The following CHN2 variants were observed in gnomAD, a reference collection of about 807,000 sequenced individuals.
CHN2 encodes the protein beta-chimaerin.
Under a neutral mutation model 56.3 loss-of-function variants are expected in CHN2, and 35 were observed. The ratio of observed to expected loss-of-function variants is 0.62; its 90% CI spans 0.47 to 0.82. CHN2 has a LOEUF of 0.82. Ranked by LOEUF, CHN2 falls within the 40% of genes least tolerant of loss-of-function variation. The probability of loss-of-function intolerance (pLI) is 0.00; values close to 1 mark genes in which losing one functional copy is unlikely to be tolerated. For missense variants in CHN2, 491 were observed against 580.5 expected (o/e 0.85, Z 1.58); for synonymous variants, 210 against 212.8 (o/e 0.99, Z 0.12).
intron 1 of CHN2, among the ~76,000 whole-genome samples, chr7:29,277,931 GTGT>G (rs1326274007): frequency 6.6e-6 from 1 of 152,196 alleles, no homozygotes; most frequent in African/African-American, 2.4e-5. Flanking sequence ...TGTAAGTTAG[GTGT>G]TGTTATTATC....
chr7:29,238,488 T>C (rs1717490723), intron 1 of CHN2, among the ~76,000 whole-genome samples: 1 of 152,216 alleles, frequency 6.6e-6, no homozygotes, highest in Non-Finnish European at 1.5e-5. Flanking sequence ...TTATTTAACA[T>C]ATATTGATCA....
chr7:29,303,925 T>A (rs1373167899), intron 1 of CHN2, among the ~76,000 whole-genome samples: 1 of 152,100 alleles, frequency 6.6e-6, no homozygotes, highest in Non-Finnish European at 1.5e-5. Context: ...CCAGGTGTGG[T>A]GGCATGCGCC....
chr7:29,445,547 T>C (rs1783971750), intron 6 of CHN2, among the ~76,000 whole-genome samples: 1 of 152,350 alleles, frequency 6.6e-6, no homozygotes, highest in Admixed American at 6.5e-5. Context: ...TAATAAATCC[T>C]GCACTGTTGT....
chr7:29,210,947 G>A (rs547154377), intron 1 of CHN2, among the ~76,000 whole-genome samples: 10 of 152,274 alleles, frequency 6.6e-5, no homozygotes, highest in Non-Finnish European at 1.5e-4. Flanking sequence ...GGAGGAGGAG[G>A]CGGATCATGG....
intron 1 of CHN2, among the ~76,000 whole-genome samples, chr7:29,218,361 T>TA (rs1218471891): frequency 3.9e-5 from 6 of 152,158 alleles, no homozygotes; most frequent in African/African-American, 1.4e-4. Context: ...GTTTGGACTG[T>TA]AAACTAGTTC....
intron 1 of CHN2, among the ~76,000 whole-genome samples, chr7:29,290,593 C>CATGAAT (rs2128868765): frequency 6.6e-6 from 1 of 152,170 alleles, no homozygotes; most frequent in Non-Finnish European, 1.5e-5. Flanking sequence ...TTGTGTGCCA[C>CATGAAT]CATGAATAAC....
chr7:29,294,533 C>G (rs1792964642), intron 1 of CHN2, among the ~76,000 whole-genome samples: 1 of 152,060 alleles, frequency 6.6e-6, no homozygotes, highest in African/African-American at 2.4e-5. Flanking sequence ...CAAGAAGATA[C>G]CATTTTTGTG....
intron 6 of CHN2, among the ~76,000 whole-genome samples, chr7:29,450,410 G>A (rs1244682328): frequency 2.0e-5 from 3 of 152,176 alleles, no homozygotes; most frequent in Non-Finnish European, 4.4e-5. Flanking sequence ...CTAAATACCA[G>A]CACCCGTCTC....
intron 3 of CHN2, among the ~76,000 whole-genome samples, chr7:29,390,555 TAACA>T (rs569831721): frequency 3.7e-4 from 56 of 152,376 alleles, no homozygotes; most frequent in East Asian, 2.1e-3. Flanking sequence ...TGCCTGATTT[TAACA>T]AACATAGTTT....
intron 3 of CHN2, among the ~76,000 whole-genome samples, chr7:29,378,280 TC>T (rs1800225870): frequency 6.6e-6 from 1 of 152,182 alleles, no homozygotes; most frequent in African/African-American, 2.4e-5. Context: ...GATTCTCTCC[TC>T]CCAGTGCATT....
intron 1 of CHN2, among the ~76,000 whole-genome samples, chr7:29,321,562 C>CT (rs1795352934): frequency 8.4e-6 from 1 of 119,640 alleles, no homozygotes; most frequent in Non-Finnish European, 1.8e-5. Flanking sequence ...TTCTTTCTTT[C>CT]TTTCTTTCTT....
chr7:29,174,945 A>C (rs1261004523), intron 2 of CHN2, among the ~76,000 whole-genome samples: 1 of 152,172 alleles, frequency 6.6e-6, no homozygotes, highest in Non-Finnish European at 1.5e-5. Flanking sequence ...AAAATTCTAT[A>C]AATGAAAAAT....
At chr7:29,309,579 G>C (rs1010239733) in intron 1 of CHN2, among the ~76,000 whole-genome samples, 11 of 152,178 alleles carry the variant, frequency 7.2e-5, no homozygotes, top group Non-Finnish European at 1.6e-4. Context: ...CTTAGCATGA[G>C]CTAGTGGCAT....
At position 29,512,543 on chromosome 7, in the gene CHN2, TTCTATA is replaced by T; in HGVS notation, c.1236-19_1236-14del. 6.2e-7 allele frequency: 1 copy of T among 1,601,566 alleles called. No homozygotes were observed. Among genetic ancestry groups the T allele is most frequent in the Non-Finnish European group, 8.5e-7 (1 of 1,172,410 alleles). On this transcript the variant is annotated splice_polypyrimidine_tract_variant and intron_variant, in intron 12 of 12. Transcript: ENST00000222792. ...TCCTCAAGTCTCCATAATGTCTCTG[TTCTATA>T]TGTTTGTTTTGCAGGGTTACTATGA...
intron 1 of CHN2, among the ~76,000 whole-genome samples, chr7:29,346,752 C>T (rs1797469529): frequency 6.6e-6 from 1 of 152,196 alleles, no homozygotes; most frequent in African/African-American, 2.4e-5. Context: ...CTCCACTGAG[C>T]CGAGTGAAGG....
At chr7:29,387,919 G>A (rs959041280) in intron 3 of CHN2, among the ~76,000 whole-genome samples, 17 of 152,128 alleles carry the variant, frequency 1.1e-4, no homozygotes, top group Non-Finnish European at 1.9e-4. Context: ...TTCAGCTGTA[G>A]ACTGCACACA....
At chr7:29,497,996 T>C (rs1789486716) in intron 8 of CHN2, among the ~76,000 whole-genome samples, 1 of 152,116 alleles carries the variant, frequency 6.6e-6, no homozygotes, top group African/African-American at 2.4e-5. Flanking sequence ...TGCATAACAG[T>C]GTGAATGTAC....
chr7:29,244,058 A>T (rs1265310349), intron 1 of CHN2, among the ~76,000 whole-genome samples: 1 of 152,176 alleles, frequency 6.6e-6, no homozygotes, highest in Non-Finnish European at 1.5e-5. Context: ...ACTAAAAAGG[A>T]AACATTGAAT....
In CHN2 at chr7:29,468,039, T is replaced by G. The variant is rs544969097; in HGVS notation, c.577-12240T>G. Among the ~76,000 whole-genome samples, 8 of 150,928 alleles carry G rather than the reference T, an allele frequency of 5.3e-5. No individual in the cohort carries two copies. In the South Asian group the frequency reaches 1.7e-3, roughly 32 times the overall value. The stretch of plus-strand genomic sequence containing the variant: ...TTGGGTTCTGAGAATTGATAACATG[T>G]CGGGGAGTAGGAGCAGGTATAGGTC... On this transcript the variant is annotated intron_variant, in intron 6 of 12. Coordinates refer to ENST00000222792, the MANE Select transcript of CHN2 (RefSeq NM_004067.4).
Sources: gnomAD v4.1 joint callset for allele counts (sites outside exome capture counted in the v4.1 genomes callset) on GRCh38, gnomAD v4.1.1 for gene constraint, MANE v1.5 for transcripts, NCBI Gene and HGNC (gene_info 2026-07-23, HGNC 2026-07-21) for gene names.